Variants in RGS3 observed in about 807,000 individuals in gnomAD.
RGS3 encodes regulator of G-protein signalling 3.
Under a neutral mutation model 132.6 loss-of-function variants are expected in RGS3, and 80 were observed. The ratio of observed to expected loss-of-function variants is 0.60; its 90% confidence interval spans 0.50 to 0.73. The LOEUF is 0.73. Ranked by LOEUF, RGS3 falls within the 30% of genes least tolerant of loss-of-function variation. RGS3 has a pLI of 0.00. For synonymous variants in RGS3, 598 were observed against 620.6 expected, an observed-to-expected ratio of 0.96 and a Z score of 0.54; for missense variants, 1,382 against 1,530.8, an observed-to-expected ratio of 0.90 and a Z score of 1.62.
intron 10 of RGS3, among the ~76,000 whole-genome samples, chr9:113,501,033 A>T (rs902998962): frequency 6.6e-6 from 1 of 152,162 alleles, no homozygotes; most frequent in Admixed American, 6.5e-5. Flanking sequence ...GCAGGTCTTC[A>T]GACTCCAAAT....
chr9:113,541,600 A>G, intron 19 of RGS3: 1 of 1,318,528 alleles, frequency 7.6e-7, no homozygotes, highest in South Asian at 2.0e-5. Flanking sequence ...CAGAAGGACC[A>G]CAATGGTGTG....
intron 19 of RGS3, chr9:113,582,279 A>G (rs1834861629): frequency 2.4e-6 from 2 of 837,926 alleles, no homozygotes; most frequent in Non-Finnish European, 2.9e-6. Context: ...TTTCTCATCC[A>G]TCAAATGGAC....
At chr9:113,512,093 A>G (rs551983841) in intron 14 of RGS3, among the ~76,000 whole-genome samples, 1 of 152,260 alleles carries the variant, frequency 6.6e-6, no homozygotes, top group East Asian at 1.9e-4. Context: ...AGCAATCAGT[A>G]TTATCTCCAC....
intron 19 of RGS3, among the ~76,000 whole-genome samples, chr9:113,540,940 C>T (rs530047720): frequency 3.3e-5 from 5 of 152,304 alleles, no homozygotes; most frequent in Non-Finnish European, 7.3e-5. Context: ...CTGAACTAGC[C>T]GCTATCGTTC....
intron 19 of RGS3, among the ~76,000 whole-genome samples, chr9:113,547,813 T>C (rs184957430): frequency 3.8e-4 from 58 of 152,308 alleles, no homozygotes; most frequent in Non-Finnish European, 6.3e-4. Context: ...TACCCACTTT[T>C]GCTGGGATAA....
intron 19 of RGS3, among the ~76,000 whole-genome samples, chr9:113,553,194 C>G (rs1833409646): frequency 6.6e-6 from 1 of 151,598 alleles, no homozygotes. Flanking sequence ...GTAATCACAG[C>G]ACTTTGGGAG....
intron 11 of RGS3, 123 bp downstream of exon 9, chr9:113,505,646 G>A (rs1460499337): frequency 1.4e-6 from 1 of 719,140 alleles, no homozygotes. Flanking sequence ...TTTTCAAAAT[G>A]AAAAGAATAA....
At position 113,507,015 on chromosome 9, in the gene RGS3, G is replaced by A. The variant is rs1436309230; in HGVS notation, c.1086-272G>A. ...ATATCTTGCTTTTGATAAGCATCAT[G>A]GATTGAGTATGGAACTCTTTCCTGT... On this transcript the variant is annotated intron_variant, in intron 12 of 24. Transcript: ENST00000350696. This position sits in a 1 kb window ranked among gnomAD's most constrained non-coding sequence, Gnocchi z 5.0. 6.6e-6 allele frequency among the ~76,000 whole-genome samples: 1 copy of A among 152,184 alleles called. No homozygotes were observed. The highest frequency in any genetic ancestry group is 1.5e-5 in the Non-Finnish European group (1 of 68,030).
chr9:113,505,344 G>A, intron 10 of RGS3, 98 bp from the exon 9 acceptor site: 1 of 982,242 alleles, frequency 1.0e-6, no homozygotes, highest in Non-Finnish European at 1.6e-6. Context: ...TGGAGAGGAG[G>A]GTGGCTCTTG....
chr9:113,447,880 C>G (rs181999000), intron 1 of RGS3, among the ~76,000 whole-genome samples: 1 of 149,772 alleles, frequency 6.7e-6, no homozygotes, highest in African/African-American at 2.5e-5. Flanking sequence ...GACAGGGTCC[C>G]GCTCTGTTGC....
intron 3 of RGS3, among the ~76,000 whole-genome samples, chr9:113,471,189 A>C (rs1277948732): frequency 6.6e-6 from 1 of 151,882 alleles, no homozygotes; most frequent in African/African-American, 2.4e-5. Flanking sequence ...AGTTCACTCT[A>C]TTCCTATGGA....
intron 19 of RGS3, among the ~76,000 whole-genome samples, chr9:113,555,669 G>A (rs1833538416): frequency 6.6e-6 from 1 of 152,128 alleles, no homozygotes; most frequent in Non-Finnish European, 1.5e-5. Context: ...GTTTCACCCT[G>A]TTGGTCAGGG....
chr9:113,567,956 T>G (rs1424907684), intron 19 of RGS3, among the ~76,000 whole-genome samples: 3 of 152,260 alleles, frequency 2.0e-5, no homozygotes, highest in Non-Finnish European at 4.4e-5. Flanking sequence ...CCTTGAGAGC[T>G]GCTTCCCATT....
chr9:113,508,060 G>A (rs575472917), intron 13 of RGS3, among the ~76,000 whole-genome samples: 9 of 152,310 alleles, frequency 5.9e-5, no homozygotes, highest in African/African-American at 1.9e-4. Context: ...GGAAAAAGGT[G>A]TTCTGAGGTC....
intron 19 of RGS3, among the ~76,000 whole-genome samples, chr9:113,572,613 C>G (rs1834340614): frequency 6.6e-6 from 1 of 152,200 alleles, no homozygotes; most frequent in Non-Finnish European, 1.5e-5. Context: ...ACAGATAAGG[C>G]AAGGGTGTGT....
At chr9:113,483,106 C>T in exon 5 of RGS3, 1 of 1,611,124 alleles carries the variant, frequency 6.2e-7, no homozygotes, top group Non-Finnish European at 8.5e-7. Flanking sequence ...CACCTGTGAT[C>T]CGTATGTGAA....
chr9:113,595,630 C>G, exon 24 of RGS3: 7 of 1,614,190 alleles, frequency 4.3e-6, no homozygotes, highest in Non-Finnish European at 5.9e-6. Context: ...CCTTCCTTCG[C>G]ACTGAGTTCA....
intron 17 of RGS3, among the ~76,000 whole-genome samples, chr9:113,525,776 G>A (rs940435879): frequency 3.4e-4 from 52 of 152,210 alleles, no homozygotes; most frequent in African/African-American, 1.3e-3. Flanking sequence ...CATTGGCCAA[G>A]CATACTCCCA....
At chr9:113,582,321 C>A in intron 19 of RGS3, 1 of 629,750 alleles carries the variant, frequency 1.6e-6, no homozygotes, top group Non-Finnish European at 2.0e-6. Context: ...AGCTCTTAAC[C>A]CATGTTCTGG....
Sources: allele counts gnomAD v4.1 joint callset (sites outside exome capture counted in the v4.1 genomes callset), GRCh38; gene constraint gnomAD v4.1.1; non-coding constraint Gnocchi (gnomAD v3.1); transcripts MANE v1.5; gene names NCBI Gene and HGNC (gene_info 2026-07-23, HGNC 2026-07-21).